Variants in IRAK1BP1 observed in about 807,000 individuals in gnomAD.
The protein encoded by IRAK1BP1 is interleukin-1 receptor-associated kinase 1-binding protein 1.
Under a neutral mutation model 28.0 loss-of-function variants are expected in IRAK1BP1, and 24 were observed. The ratio of observed to expected loss-of-function variants is 0.86; its 90% CI spans 0.62 to 1.20. The LOEUF is 1.20. Ranked by LOEUF, IRAK1BP1 falls within the 50% of genes most tolerant of loss-of-function variation. IRAK1BP1 has a pLI of 0.00. For synonymous variants in IRAK1BP1, 131 were observed against 116.3 expected (o/e 1.13, Z -0.81); for missense variants, 336 against 316.7 (o/e 1.06, Z -0.46).
chr6:78,965,904 G>T, the IRAK1BP1 span: 1 of 1,448,106 alleles, frequency 6.9e-7, no homozygotes, highest in Non-Finnish European at 9.7e-7. Flanking sequence ...AAAATTCAAA[G>T]CAAGCCTAGG....
At chr6:78,869,375 G>A (rs1770710986) in intron 1 of IRAK1BP1, among the ~76,000 whole-genome samples, 1 of 151,966 alleles carries the variant, frequency 6.6e-6, no homozygotes, top group African/African-American at 2.4e-5. Context: ...CAAAAATTAG[G>A]TGGGCATGGT....
chr6:78,896,213 A>G (rs993837143), intron 2 of IRAK1BP1, among the ~76,000 whole-genome samples: 1 of 152,148 alleles, frequency 6.6e-6, no homozygotes, highest in Admixed American at 6.5e-5. Flanking sequence ...CTTTTCAAAA[A>G]ATAGAAACTG....
chr6:78,962,196 C>G, the IRAK1BP1 span, among the ~76,000 whole-genome samples: 3,326 of 152,164 alleles, frequency 0.022, 121 homozygotes, highest in African/African-American at 0.076. Context: ...TTGACTTTCT[C>G]AAACGTATCC....
chr6:78,871,835 A>G, intron 1 of IRAK1BP1: 2 of 419,820 alleles, frequency 4.8e-6, no homozygotes, highest in South Asian at 6.1e-5. Context: ...GGTAGGGAAG[A>G]TGTCACTGAT....
the IRAK1BP1 span, among the ~76,000 whole-genome samples, chr6:78,969,054 T>C: frequency 2.6e-5 from 4 of 152,230 alleles, no homozygotes; most frequent in African/African-American, 9.6e-5. Flanking sequence ...ACTCCCTTAT[T>C]TGATGAAACA....
the IRAK1BP1 span, among the ~76,000 whole-genome samples, chr6:78,951,453 A>G: frequency 6.6e-6 from 1 of 152,208 alleles, no homozygotes; most frequent in Non-Finnish European, 1.5e-5. Flanking sequence ...ATAAAAGATG[A>G]AATATGAAGT....
chr6:78,876,703 A>C (rs148154776), intron 1 of IRAK1BP1, among the ~76,000 whole-genome samples: 3 of 152,306 alleles, frequency 2.0e-5, no homozygotes, highest in African/African-American at 7.2e-5. Flanking sequence ...TTCAAGTTTT[A>C]AAACTGGCAG....
downstream of IRAK1BP1, among the ~76,000 whole-genome samples, chr6:78,948,998 T>C (rs779311965): frequency 6.6e-6 from 1 of 152,178 alleles, no homozygotes; most frequent in Non-Finnish European, 1.5e-5. Context: ...CCTTATTGCA[T>C]TGGCTAGAAT....
the IRAK1BP1 span, among the ~76,000 whole-genome samples, chr6:78,976,224 A>G: frequency 6.8e-6 from 1 of 148,020 alleles, no homozygotes; most frequent in South Asian, 2.2e-4. Flanking sequence ...AACGCCGCAT[A>G]TCTACAACTA....
the IRAK1BP1 span, among the ~76,000 whole-genome samples, chr6:78,974,296 A>G: frequency 0.011 from 1,747 of 152,118 alleles, 41 homozygotes; most frequent in African/African-American, 0.04. Flanking sequence ...TAATGAAATG[A>G]AGGCAGAAAT....
At chr6:78,945,664 A>C in exon 5 of IRAK1BP1, 1 of 634,426 alleles carries the variant, frequency 1.6e-6, no homozygotes, top group South Asian at 2.0e-5. Flanking sequence ...ATCCAACTAG[A>C]AACTCTTAAT....
the IRAK1BP1 span, among the ~76,000 whole-genome samples, chr6:78,966,524 TCTTC>T: frequency 4.6e-5 from 7 of 152,160 alleles, no homozygotes; most frequent in Non-Finnish European, 8.8e-5. Flanking sequence ...ATCCAACCTG[TCTTC>T]CTTCATCTCA....
chr6:78,895,377 A>C (rs1771843205), intron 2 of IRAK1BP1, among the ~76,000 whole-genome samples: 1 of 152,196 alleles, frequency 6.6e-6, no homozygotes, highest in Non-Finnish European at 1.5e-5. Context: ...TGAGGTCAGA[A>C]GATAACCAGA....
chr6:78,918,117 G>A (rs370478695), intron 4 of IRAK1BP1, among the ~76,000 whole-genome samples: 1 of 152,040 alleles, frequency 6.6e-6, no homozygotes, highest in Non-Finnish European at 1.5e-5. Context: ...AGCCAACATA[G>A]AGGGATCCCA....
intron 4 of IRAK1BP1, among the ~76,000 whole-genome samples, chr6:78,914,452 T>C (rs1253005553): frequency 1.3e-5 from 2 of 152,328 alleles, no homozygotes; most frequent in East Asian, 3.9e-4. Context: ...ATTCAAACTA[T>C]ATGAGGAAAA....
intron 4 of IRAK1BP1, among the ~76,000 whole-genome samples, chr6:78,917,036 C>G (rs1415537407): frequency 1.3e-5 from 2 of 151,928 alleles, no homozygotes; most frequent in African/African-American, 2.4e-5. Flanking sequence ...GTGATACCAC[C>G]AAAGGATCAC....
At position 78,902,920 on chromosome 6, in the gene IRAK1BP1, A is replaced by G; in HGVS notation, c.*4586A>G. ...TAATATTAATAGAAATCTTTCAAGAAGGATTGTTTTCTACTATTAAAACAA... is the reference window on the plus strand; with the variant it reads ...TAATATTAATAGAAATCTTTCAAGAGGGATTGTTTTCTACTATTAAAACAA... On this transcript the variant is annotated 3_prime_UTR_variant, in exon 4 of 4. Coordinates refer to ENST00000369940, the MANE Select transcript of IRAK1BP1 (RefSeq NM_001010844.4). 2 of 756,802 alleles carry G rather than the reference A, an allele frequency of 2.6e-6. No individual in the cohort carries two copies. The highest frequency in any genetic ancestry group is 1.7e-5 in the South Asian group (1 of 58,896). 46.9% of individuals were successfully genotyped at this position (756,802 alleles called of 1,614,324 possible).
chr6:78,948,267 T>A (rs1041554552), downstream of IRAK1BP1, among the ~76,000 whole-genome samples: 2 of 152,076 alleles, frequency 1.3e-5, no homozygotes, highest in Non-Finnish European at 2.9e-5. Flanking sequence ...AAATTGGGAG[T>A]TTTGCTTTGC....
chr6:78,870,608 C>G (rs1770762390), intron 1 of IRAK1BP1, among the ~76,000 whole-genome samples: 1 of 152,192 alleles, frequency 6.6e-6, no homozygotes, highest in African/African-American at 2.4e-5. Context: ...ATCCTTACTT[C>G]TAGCGTGGTT....
Sources: allele counts gnomAD v4.1 joint callset (sites outside exome capture counted in the v4.1 genomes callset), GRCh38; gene constraint gnomAD v4.1.1; transcripts MANE v1.5; gene names NCBI Gene and HGNC (gene_info 2026-07-23, HGNC 2026-07-21).